Variants in EPM2A observed in about 807,000 individuals in gnomAD.
The protein encoded by EPM2A is EPM2A glucan phosphatase, laforin.
EPM2A carries 21 observed loss-of-function variants against 26.5 expected under a neutral mutation model. That is an observed-to-expected ratio of 0.79 (90% CI 0.56 to 1.14). EPM2A has a LOEUF of 1.14. EPM2A is among the 50% of genes most tolerant of loss of function. The pLI is 0.00. For missense variants in EPM2A, 458 were observed against 440.8 expected (o/e 1.04, Z -0.35); for synonymous variants, 217 against 177.6 (o/e 1.22, Z -1.76).
chr6:145,455,063 T>C (rs773738557), intron 4 of EPM2A, among the ~76,000 whole-genome samples: 8 of 147,380 alleles, frequency 5.4e-5, no homozygotes, highest in Admixed American at 1.3e-4. Flanking sequence ...ACATATACAC[T>C]TATTTATATC....
At chr6:145,593,557 TG>T (rs1781302762) in intron 2 of EPM2A, among the ~76,000 whole-genome samples, 1 of 152,046 alleles carries the variant, frequency 6.6e-6, no homozygotes, top group African/African-American at 2.4e-5. Flanking sequence ...ACAAATTTTT[TG>T]AACATAAAAA....
At chr6:145,611,052 A>G (rs1407216923) in intron 2 of EPM2A, among the ~76,000 whole-genome samples, 1 of 152,216 alleles carries the variant, frequency 6.6e-6, no homozygotes, top group Non-Finnish European at 1.5e-5. Flanking sequence ...TAAGATTTAG[A>G]TTTAATTTAT....
chr6:145,614,101 G>A (rs886415836), intron 2 of EPM2A, among the ~76,000 whole-genome samples: 3 of 152,282 alleles, frequency 2.0e-5, no homozygotes, highest in Admixed American at 2.0e-4. Context: ...TAGGTCTTCC[G>A]GATAACTTGC....
intron 2 of EPM2A, among the ~76,000 whole-genome samples, chr6:145,642,728 A>G (rs1777179134): frequency 6.6e-6 from 1 of 152,204 alleles, no homozygotes; most frequent in Admixed American, 6.5e-5. Context: ...GCAGATACCC[A>G]AAGTCCTTTT....
intron 2 of EPM2A, among the ~76,000 whole-genome samples, chr6:145,571,283 TTATGACTTCAA>T (rs1780952141): frequency 6.6e-6 from 1 of 152,206 alleles, no homozygotes; most frequent in Non-Finnish European, 1.5e-5. Flanking sequence ...GATGTTTTAA[TTATGACTTCAA>T]AAGGCCATTC....
intron 4 of EPM2A, among the ~76,000 whole-genome samples, chr6:145,437,407 A>G (rs74376892): frequency 0.087 from 13,293 of 152,222 alleles, 705 homozygotes; most frequent in African/African-American, 0.14. Flanking sequence ...ATAGCGGTGT[A>G]AGAACAGTCG....
chr6:145,576,726 G>C (rs564767954), intron 2 of EPM2A, among the ~76,000 whole-genome samples: 2 of 152,008 alleles, frequency 1.3e-5, no homozygotes, highest in East Asian at 3.8e-4. Context: ...GTAAAAGTAA[G>C]TACACAAAGA....
intron 1 of EPM2A, among the ~76,000 whole-genome samples, chr6:145,704,432 T>A (rs1029472515): frequency 5.9e-5 from 9 of 152,232 alleles, no homozygotes; most frequent in Non-Finnish European, 8.8e-5. Context: ...TTTTAAGAAT[T>A]TCCTATCGCT....
chr6:145,704,657 T>A (rs890980286), intron 1 of EPM2A, among the ~76,000 whole-genome samples: 1 of 152,128 alleles, frequency 6.6e-6, no homozygotes, highest in Non-Finnish European at 1.5e-5. Context: ...GTTCACACCA[T>A]ATAACCCCTC....
chr6:145,670,550 C>T (rs1225565825), intron 2 of EPM2A: 2 of 152,076 alleles, frequency 1.3e-5, no homozygotes, highest in East Asian at 3.9e-4. Context: ...TCTGCCAAAA[C>T]TGATTTATTT....
chr6:145,735,253 G>T lies in EPM2A; in HGVS notation c.246C>A (p.Asp82Glu). Reference sequence around the variant, plus strand: ...GCTTCAGGAACTTGTACCAGAACGTGTCCACGCGGCCCGGCTCCGCCCCGT... The same window carrying T: ...GCTTCAGGAACTTGTACCAGAACGTTTCCACGCGGCCCGGCTCCGCCCCGT... ...AQDGAEPGRV[D>E]TFWYKFLKRE... Residue 82 changes from aspartate to glutamate, a missense_variant, in exon 1 of 4, where the codon GAC becomes GAA. Asp to Glu is a conservative substitution (Grantham distance 45, BLOSUM62 2). Coordinates refer to ENST00000367519, the MANE Select transcript of EPM2A (RefSeq NM_005670.4). The T allele has an allele frequency of 6.5e-7, 1 of 1,533,222 alleles. No homozygotes were observed. Among genetic ancestry groups the T allele is most frequent in the Admixed American group, 2.0e-5 (1 of 51,048 alleles). 95.0% of individuals were successfully genotyped at this position (1,533,222 alleles called of 1,614,324 possible).
At chr6:145,711,851 T>C (rs1222271199) in intron 1 of EPM2A, among the ~76,000 whole-genome samples, 1 of 152,100 alleles carries the variant, frequency 6.6e-6, no homozygotes, top group African/African-American at 2.4e-5. Flanking sequence ...CCTCAAAAAG[T>C]TCACAGAAAA....
At chr6:145,650,087 A>T (rs1206786216) in intron 2 of EPM2A, among the ~76,000 whole-genome samples, 1 of 152,182 alleles carries the variant, frequency 6.6e-6, no homozygotes, top group Non-Finnish European at 1.5e-5. Flanking sequence ...TCTGCTGGAA[A>T]GGATAAAAGA....
chr6:145,713,937 C>T (rs998476318), intron 1 of EPM2A, among the ~76,000 whole-genome samples: 1 of 152,138 alleles, frequency 6.6e-6, no homozygotes, highest in Non-Finnish European at 1.5e-5. Flanking sequence ...ACAACACGTA[C>T]AAACCCCAAA....
chr6:145,431,853 T>C (rs1778925299), intron 4 of EPM2A, among the ~76,000 whole-genome samples: 1 of 152,230 alleles, frequency 6.6e-6, no homozygotes, highest in South Asian at 2.1e-4. Flanking sequence ...AGAACTTCTT[T>C]TGAAACTGAA....
At chr6:145,680,349 T>TC (rs397885386) in intron 2 of EPM2A, among the ~76,000 whole-genome samples, 13 of 150,038 alleles carry the variant, frequency 8.7e-5, no homozygotes, top group East Asian at 2.0e-4. Flanking sequence ...CTTTTTTTTT[T>TC]CTGCGTAAGT....
intron 4 of EPM2A, among the ~76,000 whole-genome samples, chr6:145,435,429 A>G (rs1778977239): frequency 6.8e-6 from 1 of 146,574 alleles, no homozygotes; most frequent in South Asian, 2.2e-4. Flanking sequence ...ATATATATAT[A>G]TATGTTTTAT....
At chr6:145,688,057 T>A (rs897678785) in intron 1 of EPM2A, among the ~76,000 whole-genome samples, 4 of 152,180 alleles carry the variant, frequency 2.6e-5, no homozygotes, top group African/African-American at 7.2e-5. Flanking sequence ...TTTTTTTTCA[T>A]TCTTCTACAG....
At chr6:145,640,435 G>A (rs1290554203) in intron 2 of EPM2A, 1 of 152,300 alleles carries the variant, frequency 6.6e-6, no homozygotes, top group South Asian at 2.1e-4. Flanking sequence ...ACCAGCTTTT[G>A]TTTATTTATC....
Sources: gnomAD v4.1 joint callset for allele counts (sites outside exome capture counted in the v4.1 genomes callset) on GRCh38, gnomAD v4.1.1 for gene constraint, MANE v1.5 for transcripts, NCBI Gene and HGNC (gene_info 2026-07-23, HGNC 2026-07-21) for gene names.